Variants in LRIF1 observed in about 807,000 individuals in gnomAD.
The protein encoded by LRIF1 is ligand dependent nuclear receptor interacting factor 1.
In LRIF1, 32 loss-of-function variants were observed where a neutral mutation model predicts 52.7. That is an observed-to-expected ratio of 0.61 (90% CI 0.46 to 0.82). The LOEUF (loss-of-function observed/expected upper bound fraction) is 0.82, where lower values mean the gene tolerates loss of function less well. Ranked by LOEUF, LRIF1 falls within the 40% of genes least tolerant of loss-of-function variation. The pLI is 0.00. For missense variants in LRIF1, 887 were observed against 892.0 expected (o/e 0.99, Z 0.07); for synonymous variants, 323 against 317.4 (o/e 1.02, Z -0.19).
At chr1:110,936,635 T>C in the LRIF1 span, 2 of 151,456 alleles carry the variant, frequency 1.3e-5, no homozygotes, top group African/African-American at 2.4e-5. Context: ...CTAAATCATA[T>C]CACCAGAAAA....
At chr1:110,920,453 T>G in the LRIF1 span, among the ~76,000 whole-genome samples, 1 of 152,192 alleles carries the variant, frequency 6.6e-6, no homozygotes, top group Non-Finnish European at 1.5e-5. Context: ...TAATGTATGA[T>G]TCCAGCTATG....
the LRIF1 span, chr1:110,900,051 G>A: frequency 6.6e-6 from 1 of 152,448 alleles, no homozygotes; most frequent in East Asian, 1.9e-4. Context: ...AGTGGCTGAG[G>A]ACAACAAACA....
chr1:110,877,527 C>T, the LRIF1 span, among the ~76,000 whole-genome samples: 1 of 152,200 alleles, frequency 6.6e-6, no homozygotes, highest in Non-Finnish European at 1.5e-5. Flanking sequence ...CCCTGTCCCA[C>T]CTCAGCTGTT....
At chr1:110,881,959 G>T in the LRIF1 span, among the ~76,000 whole-genome samples, 1 of 152,020 alleles carries the variant, frequency 6.6e-6, no homozygotes, top group African/African-American at 2.4e-5. Flanking sequence ...TTTAAAAATT[G>T]GATTGTTTAT....
the LRIF1 span, among the ~76,000 whole-genome samples, chr1:110,906,719 A>C: frequency 1.3e-5 from 2 of 152,172 alleles, no homozygotes; most frequent in Non-Finnish European, 2.9e-5. Flanking sequence ...TAATAGGAAG[A>C]CTCAATATTT....
chr1:110,922,788 C>G, the LRIF1 span, among the ~76,000 whole-genome samples: 1 of 152,206 alleles, frequency 6.6e-6, no homozygotes, highest in Non-Finnish European at 1.5e-5. Context: ...AAGTCAAAGT[C>G]TCAGCATTTC....
chr1:110,951,897 A>G lies in LRIF1; in HGVS notation c.987T>C (p.Asp329=), dbSNP rs1399019218. 2 of 1,614,038 alleles carry G rather than the reference A, an allele frequency of 1.2e-6. No homozygotes were observed. The highest frequency in any genetic ancestry group is 1.7e-6 in the Non-Finnish European group (2 of 1,179,968). Reference sequence around the variant, plus strand: ...TCAATGGTGGCATATTTATAGTATTATCTCCCAAATTTTTCCTATCTACAA... The same window carrying G: ...TCAATGGTGGCATATTTATAGTATTGTCTCCCAAATTTTTCCTATCTACAA... ...KTFVDRKNLG[D]NTINMPPLST... is the part of the protein sequence containing the mutation. The change falls in exon 2 of 4, where the codon GAT becomes GAC. Residue 329 remains aspartate, a synonymous_variant. Transcript: ENST00000369763.
At chr1:110,959,512 G>A (rs1192753478) in intron 1 of LRIF1, among the ~76,000 whole-genome samples, 1 of 152,058 alleles carries the variant, frequency 6.6e-6, no homozygotes, top group African/African-American at 2.4e-5. Context: ...AGCACCTTGG[G>A]AGGCTGAGGT....
At chr1:110,948,753 A>C (rs1471957239) in intron 3 of LRIF1, among the ~76,000 whole-genome samples, 6 of 152,182 alleles carry the variant, frequency 3.9e-5, no homozygotes, top group African/African-American at 1.4e-4. Context: ...GAGGATTTTC[A>C]TTCGAAAAGG....
rs745324025 is a variant in LRIF1, at chr1:110,963,738, GGC to G, written c.-52_-51del. ...TCATCCAGAAAAGTGGGAAGCGTGG[GGC>G]CGAGTTTCCCAATGGGGCGAGAACC... On this transcript the variant is annotated 5_prime_UTR_variant, in exon 1 of 4. Coordinates refer to ENST00000369763, the MANE Select transcript of LRIF1 (RefSeq NM_018372.4). 8 of 1,468,334 alleles carry G rather than the reference GGC, an allele frequency of 5.4e-6. No homozygotes were observed. Among genetic ancestry groups the G allele is most frequent in the Non-Finnish European group, 7.5e-6 (8 of 1,062,104 alleles). The allele number at this position is 1,468,334 out of a possible 1,614,324, so 91.0% of individuals were successfully genotyped here. A position where few individuals can be genotyped will look rare whatever the true frequency, so the allele number is the denominator to read the frequency against.
chr1:110,963,309 T>C (rs868206362), intron 1 of LRIF1: 46 of 201,136 alleles, frequency 2.3e-4, no homozygotes, highest in Middle Eastern at 3.8e-3. Context: ...TCCAGAAGGT[T>C]TGAGTCACAT....
At chr1:110,888,618 T>A in the LRIF1 span, among the ~76,000 whole-genome samples, 8 of 152,192 alleles carry the variant, frequency 5.3e-5, no homozygotes, top group Non-Finnish European at 5.9e-5. Context: ...AATATATGAT[T>A]TTATATTTTT....
In LRIF1 at chr1:110,948,217, G is replaced by A. The variant is rs1658291094; in HGVS notation, c.2052C>T (p.His684=). 6.2e-7 allele frequency: 1 copy of A among 1,614,054 alleles called. No homozygotes were observed. Among genetic ancestry groups the A allele is most frequent in the Non-Finnish European group, 8.5e-7 (1 of 1,179,998 alleles). Reference sequence around the variant, plus strand: ...TTCTCTTTTCTTGTCTGGTTTTGCTGTGACTCGTGAGAATGTTATGTTGTG... The same window carrying A: ...TTCTCTTTTCTTGTCTGGTTTTGCTATGACTCGTGAGAATGTTATGTTGTG... ...DVSQHNILTS[H]SKTRQEKRTE... is the part of the protein sequence containing the mutation. Residue 684 remains histidine (H), a synonymous_variant, in exon 4 of 4, where the codon CAC becomes CAT. Coordinates refer to ENST00000369763, the MANE Select transcript of LRIF1 (RefSeq NM_018372.4).
At chr1:110,931,312 A>G in the LRIF1 span, among the ~76,000 whole-genome samples, 1 of 152,144 alleles carries the variant, frequency 6.6e-6, no homozygotes, top group East Asian at 1.9e-4. Context: ...AAGGACATGA[A>G]CTCATCCTTT....
At chr1:110,928,761 C>CT in the LRIF1 span, among the ~76,000 whole-genome samples, 2 of 152,146 alleles carry the variant, frequency 1.3e-5, no homozygotes, top group African/African-American at 4.8e-5. Flanking sequence ...AATATGCCTG[C>CT]TATATTTAAC....
chr1:110,894,278 G>T, the LRIF1 span: 5 of 1,535,328 alleles, frequency 3.3e-6, no homozygotes, highest in Middle Eastern at 1.7e-4. Context: ...AGTGGGAGTG[G>T]GACGAGAATG....
chr1:110,911,503 C>G, the LRIF1 span, among the ~76,000 whole-genome samples: 61,775 of 151,790 alleles, frequency 0.41, 13,072 homozygotes, highest in Middle Eastern at 0.53. Flanking sequence ...ACTCATTCTA[C>G]AAGGCCAGCA....
At chr1:110,960,234 C>T (rs1407631191) in intron 1 of LRIF1, among the ~76,000 whole-genome samples, 2 of 152,026 alleles carry the variant, frequency 1.3e-5, no homozygotes, top group African/African-American at 4.8e-5. Context: ...TTAGCATAAC[C>T]CCATTATAAC....
chr1:110,891,513 C>T, the LRIF1 span: 4 of 1,474,838 alleles, frequency 2.7e-6, no homozygotes, highest in Non-Finnish European at 3.8e-6. Flanking sequence ...TCACCTTTAC[C>T]CAGCTAAGCT....
Sources: allele counts gnomAD v4.1 joint callset (sites outside exome capture counted in the v4.1 genomes callset), GRCh38; gene constraint gnomAD v4.1.1; transcripts MANE v1.5; gene names NCBI Gene and HGNC (gene_info 2026-07-23, HGNC 2026-07-21).